The following HECTD4 variants were observed in gnomAD, a reference collection of about 807,000 sequenced individuals.
HECTD4 encodes the protein HECT domain E3 ubiquitin protein ligase 4.
A neutral mutation model predicts 471.5 loss-of-function variants in HECTD4; 114 were observed. The observed-to-expected ratio is 0.24, with a 90% CI of 0.21 to 0.28. The LOEUF (loss-of-function observed/expected upper bound fraction) is 0.28, where lower values mean the gene tolerates loss of function less well. Among genes scored for constraint, HECTD4 ranks in the 10% least tolerant of loss-of-function variants. The pLI, the probability that HECTD4 is intolerant of heterozygous loss-of-function variation, is 1.00. For synonymous variants in HECTD4, 2,012 were observed against 2,256.0 expected, an observed-to-expected ratio of 0.89 and a Z score of 3.07; for missense variants, 3,866 against 5,651.5, an observed-to-expected ratio of 0.68 and a Z score of 10.13.
intron 1 of HECTD4, among the ~76,000 whole-genome samples, chr12:112,330,545 A>G (rs1177063753): frequency 6.6e-6 from 1 of 152,206 alleles, no homozygotes; most frequent in Non-Finnish European, 1.5e-5. Flanking sequence ...AGGAAACTGA[A>G]CAGCTCTGAT....
At chr12:112,305,716 C>A (rs1472410211) in intron 7 of HECTD4, among the ~76,000 whole-genome samples, 3 of 152,158 alleles carry the variant, frequency 2.0e-5, no homozygotes, top group Non-Finnish European at 4.4e-5. Context: ...GTTGTTATCT[C>A]TCTCAGAGAC....
rs1292061603 is a variant in HECTD4, at chr12:112,212,559, G to A, written c.7557C>T (p.Cys2519=). The change falls in exon 49 of 76, where the codon TGC becomes TGT. Residue 2519 remains cysteine (C), a synonymous_variant. Coordinates refer to ENST00000682272, the MANE Select transcript of HECTD4 (RefSeq NM_001388303.1). ...CAAGATATGGTGAGAGGCGCTGCCC[G>A]CAGTATGTGAAGTACACCCGGCCCT... The part of the protein sequence containing the change: ...PAKGRVYFTY[C]GQRLSPYLED... The A allele has an allele frequency of 5.0e-6, 8 of 1,613,644 alleles. No homozygotes were observed. The highest frequency in any genetic ancestry group is 1.1e-5 in the South Asian group (1 of 91,038).
Position 112,184,522 on chromosome 12 carries a change from T to G in HECTD4, c.10444A>C (p.Ser3482Arg). ...CTGGTGGAGGCGGAGGCGCTGATGC[T>G]CATGGCGGGGGTCAGGCTGCTGGAC... ...STSSSLTPAM[S>R]ISASASTSQA... The change falls in exon 61 of 76, where the codon AGC becomes CGC. Residue 3482 changes from serine to arginine, a missense_variant. Ser to Arg is a moderately radical substitution (Grantham distance 110, BLOSUM62 -1). Transcript: ENST00000682272. The surrounding 1 kb of genome is among the most constrained non-coding windows in gnomAD (Gnocchi z 9.1). 1 of 1,612,198 alleles carries G rather than the reference T, an allele frequency of 6.2e-7. No homozygotes were observed. Among genetic ancestry groups the G allele is most frequent in the South Asian group, 1.1e-5 (1 of 91,028 alleles).
In HECTD4 at chr12:112,243,924, G is replaced by A; in HGVS notation, c.4599C>T (p.Asp1533=). 6.2e-7 allele frequency: 1 copy of A among 1,613,960 alleles called. No individual in the cohort carries two copies. Among genetic ancestry groups the A allele is most frequent in the Non-Finnish European group, 8.5e-7 (1 of 1,179,898 alleles). Residue 1533 remains aspartate, a synonymous_variant, in exon 30 of 76, where the codon GAC becomes GAT. Coordinates refer to ENST00000682272, the MANE Select transcript of HECTD4 (RefSeq NM_001388303.1). The surrounding 1 kb of genome is among the most constrained non-coding windows in gnomAD (Gnocchi z 6.6). The stretch of plus-strand genomic sequence containing the variant: ...AATCTTCATTACCAATCATTTCCAG[G>A]TCAGAAGGAGCTGACATGCTGCGAA... ...VFLRSMSAPS[D]LEMIGNEDLE...
At chr12:112,212,925 A>G (rs2032806695) in intron 48 of HECTD4, among the ~76,000 whole-genome samples, 1 of 152,166 alleles carries the variant, frequency 6.6e-6, no homozygotes, top group African/African-American at 2.4e-5. Context: ...CCTCCAGAGT[A>G]GCTGGGATTA....
intron 50 of HECTD4, among the ~76,000 whole-genome samples, chr12:112,209,333 T>C (rs1241019547): frequency 2.0e-5 from 3 of 151,978 alleles, no homozygotes; most frequent in African/African-American, 4.8e-5. Flanking sequence ...AAAAGTTTTT[T>C]TTTTTTTTTT....
At chr12:112,192,872 GTCAT>G in intron 58 of HECTD4, 107 bp from the exon 59 acceptor site, 2 of 1,217,030 alleles carry the variant, frequency 1.6e-6, no homozygotes, top group South Asian at 3.1e-5. Flanking sequence ...CTGGGCCCAA[GTCAT>G]TTCCACCACA....
Position 112,163,033 on chromosome 12 carries a change from G to C in HECTD4, c.13120+9C>G, listed in dbSNP as rs755824170. 2 of 1,592,724 alleles carry C rather than the reference G, an allele frequency of 1.3e-6. No individual in the cohort carries two copies. Among genetic ancestry groups the C allele is most frequent in the Non-Finnish European group, 1.7e-6 (2 of 1,163,948 alleles). On this transcript the variant is annotated intron_variant, in intron 75 of 75. Transcript: ENST00000682272. The surrounding 1 kb of genome is among the most constrained non-coding windows in gnomAD (Gnocchi z 8.2). Reference sequence around the variant, plus strand: ...CCCTACTTGGGACATGGCCAGGGGAGGGCGGTACCTGCTGTGCCATCTGGG... The same window carrying C: ...CCCTACTTGGGACATGGCCAGGGGACGGCGGTACCTGCTGTGCCATCTGGG...
intron 60 of HECTD4, among the ~76,000 whole-genome samples, chr12:112,186,118 G>A (rs537517362): frequency 2.0e-5 from 3 of 152,004 alleles, no homozygotes; most frequent in South Asian, 2.1e-4. Context: ...GATTACAGGA[G>A]TGTGAGACCA....
intron 29 of HECTD4, among the ~76,000 whole-genome samples, chr12:112,246,465 C>G (rs1171278975): frequency 6.6e-6 from 1 of 152,062 alleles, no homozygotes; most frequent in African/African-American, 2.4e-5. Context: ...GAAACCCCGT[C>G]TCTACCAAAA....
chr12:112,182,964 T>G, intron 62 of HECTD4, 95 bp downstream of exon 62: 2 of 836,084 alleles, frequency 2.4e-6, no homozygotes, highest in Non-Finnish European at 3.9e-6. Flanking sequence ...TAGGGGATAC[T>G]GGGGAGGGGA....
intron 68 of HECTD4, 112 bp from the exon 69 acceptor site, chr12:112,170,564 C>G (rs977550816): frequency 9.9e-6 from 14 of 1,407,812 alleles, no homozygotes; most frequent in Non-Finnish European, 1.3e-5. Context: ...CCCCTGGTGG[C>G]AGTAGAGCCG....
intron 32 of HECTD4, among the ~76,000 whole-genome samples, chr12:112,241,244 T>C (rs892529405): frequency 2.0e-5 from 3 of 152,222 alleles, no homozygotes; most frequent in Admixed American, 6.5e-5. Flanking sequence ...GCCAGTTTTA[T>C]GGAGAAATTA....
intron 3 of HECTD4, 88 bp downstream of exon 3, chr12:112,314,369 G>A (rs1222043691): frequency 1.5e-6 from 1 of 650,486 alleles, no homozygotes; most frequent in East Asian, 2.8e-5. Flanking sequence ...TAATTGATAA[G>A]AGTTTAGCAA....
intron 37 of HECTD4, among the ~76,000 whole-genome samples, chr12:112,233,442 C>T (rs2033431425): frequency 6.6e-6 from 1 of 151,826 alleles, no homozygotes; most frequent in African/African-American, 2.4e-5. Context: ...AGGCTGGTCT[C>T]GAACTCCTGG....
In HECTD4 at chr12:112,161,014, C is replaced by G. The variant is rs1030798018; in HGVS notation, c.*1373G>C. 7 of 152,200 alleles carry G rather than the reference C, an allele frequency of 4.6e-5. No individual in the cohort carries two copies. Among genetic ancestry groups the G allele is most frequent in the African/African-American group, 1.7e-4 (7 of 41,428 alleles). The allele number at this position is 152,200 out of a possible 1,614,324, so 9.4% of individuals were successfully genotyped here. ...AGGAGATGGATGCTAACGGCTCTAT[C>G]TCTAGAATTCACAATCTTTCCAGCA... On this transcript the variant is annotated 3_prime_UTR_variant, in exon 76 of 76. Coordinates refer to ENST00000682272, the MANE Select transcript of HECTD4 (RefSeq NM_001388303.1).
In HECTD4 at chr12:112,276,774, CTTTGGAGGAATAGA is replaced by C. The variant is rs1468863918; in HGVS notation, c.1688-1828_1688-1815del. On this transcript the variant is annotated intron_variant, in intron 9 of 75. Transcript: ENST00000682272. ...ACCCAATCTTTAAATGGATAAAAGACTTTGGAGGAATAGATATTCCTCCAAAGAAGGTATACAAA... is the reference window on the plus strand; with the variant it reads ...ACCCAATCTTTAAATGGATAAAAGACTATTCCTCCAAAGAAGGTATACAAA... Among the ~76,000 whole-genome samples the C allele has an allele frequency of 2.9e-4, 44 of 152,236 alleles. No individual in the cohort carries two copies. The East Asian group carries it at 5.0e-3, about 17-fold the overall frequency.
intron 25 of HECTD4, among the ~76,000 whole-genome samples, chr12:112,248,823 G>A (rs996250649): frequency 3.3e-5 from 5 of 152,144 alleles, no homozygotes; most frequent in African/African-American, 7.2e-5. Flanking sequence ...GGGCTCAAGC[G>A]ATTCTCCTGA....
intron 64 of HECTD4, among the ~76,000 whole-genome samples, 185 bp downstream of exon 64, chr12:112,178,746 C>T (rs1458569300): frequency 1.1e-4 from 17 of 152,218 alleles, no homozygotes; most frequent in Non-Finnish European, 2.2e-4. Context: ...GTGGGAGGAT[C>T]GCTTGAGCCC....
Sources: gnomAD v4.1 joint callset for allele counts (sites outside exome capture counted in the v4.1 genomes callset) on GRCh38, gnomAD v4.1.1 for gene constraint, Gnocchi (gnomAD v3.1) non-coding constraint, MANE v1.5 for transcripts, NCBI Gene and HGNC (gene_info 2026-07-23, HGNC 2026-07-21) for gene names.